GALNT13: variants seen among roughly 807,000 people sequenced by gnomAD.
The protein encoded by GALNT13 is polypeptide N-acetylgalactosaminyltransferase 13, also known as UDP-GalNAc:polypeptide N-acetylgalactosaminyltransferase 13.
In GALNT13, 28 loss-of-function variants were observed where a neutral mutation model predicts 64.2. That is an observed-to-expected ratio of 0.44 (90% CI 0.32 to 0.60). The LOEUF (loss-of-function observed/expected upper bound fraction) is 0.60, where lower values mean the gene tolerates loss of function less well. Ranked by LOEUF, GALNT13 falls within the 20% of genes least tolerant of loss-of-function variation. The probability of loss-of-function intolerance (pLI) is 0.05; values close to 1 mark genes in which losing one functional copy is unlikely to be tolerated. For missense variants in GALNT13, 577 were observed against 669.8 expected (o/e 0.86, Z 1.53); for synonymous variants, 214 against 224.6 (o/e 0.95, Z 0.42).
chr2:154,127,445 A>G (rs892742428), intron 3 of GALNT13, among the ~76,000 whole-genome samples: 11 of 152,122 alleles, frequency 7.2e-5, no homozygotes, highest in African/African-American at 2.7e-4. Flanking sequence ...AATCTTCAGA[A>G]GTAAATTAAA....
chr2:153,630,791 ATATATATATATATATATTTTTTTTT>A, the GALNT13 span, among the ~76,000 whole-genome samples: 1 of 13,096 alleles, frequency 7.6e-5, no homozygotes, highest in African/African-American at 2.7e-4. Flanking sequence ...ATATATATAT[ATATATATATATATATATTTTTTTTT>A]TTTTTTTTAT....
In GALNT13 at chr2:154,067,056, A is replaced by G. The variant is rs967954650; in HGVS notation, c.143-73281A>G. On this transcript the variant is annotated intron_variant, in intron 3 of 12. Transcript: ENST00000392825. ...CCTGTTTGTTTGCTTGTTTTTGTTA[A>G]TGTAATAAGTGTCAAGTTGTCATCA... is the stretch of plus-strand genomic sequence containing the variant. Among the ~76,000 whole-genome samples the G allele has an allele frequency of 4.6e-5, 7 of 152,036 alleles. No homozygotes were observed. In the South Asian group the frequency reaches 6.2e-4, roughly 13 times the overall value.
At chr2:153,246,790 C>T in the GALNT13 span, among the ~76,000 whole-genome samples, 2 of 152,170 alleles carry the variant, frequency 1.3e-5, no homozygotes, top group African/African-American at 4.8e-5. Flanking sequence ...CAAATTCATA[C>T]ATAACAATGT....
At chr2:153,613,415 C>T in the GALNT13 span, among the ~76,000 whole-genome samples, 10 of 152,136 alleles carry the variant, frequency 6.6e-5, no homozygotes, top group Non-Finnish European at 1.0e-4. Flanking sequence ...CTGGATATTA[C>T]ATTTGAATTT....
intron 9 of GALNT13, among the ~76,000 whole-genome samples, chr2:154,380,512 A>C (rs115220879): frequency 1.9e-3 from 289 of 152,162 alleles, no homozygotes; most frequent in Non-Finnish European, 3.1e-3. Flanking sequence ...TGATGACCTA[A>C]ACAACCTTAT....
At chr2:153,081,196 C>T in the GALNT13 span, among the ~76,000 whole-genome samples, 2 of 151,664 alleles carry the variant, frequency 1.3e-5, no homozygotes, top group African/African-American at 4.8e-5. Flanking sequence ...TGATACATAT[C>T]TCCTTTTCTA....
intron 9 of GALNT13, among the ~76,000 whole-genome samples, chr2:154,354,344 G>A (rs1181317779): frequency 6.8e-6 from 1 of 146,992 alleles, no homozygotes; most frequent in African/African-American, 2.5e-5. Context: ...TCCACAGGTT[G>A]CCTTTTAATT....
At chr2:153,944,773 A>G (rs959291563) in intron 3 of GALNT13, 134 bp downstream of exon 3, 3 of 645,322 alleles carry the variant, frequency 4.6e-6, no homozygotes, top group African/African-American at 1.8e-5. Flanking sequence ...CTATTAATGC[A>G]TGTTTAACCA....
intron 10 of GALNT13, among the ~76,000 whole-genome samples, chr2:154,398,892 T>C (rs1056370027): frequency 4.6e-5 from 7 of 152,164 alleles, no homozygotes; most frequent in African/African-American, 1.7e-4. Context: ...ATGAATTACG[T>C]AGAAATTAGA....
chr2:153,675,891 T>G, the GALNT13 span, among the ~76,000 whole-genome samples: 1 of 152,008 alleles, frequency 6.6e-6, no homozygotes, highest in Non-Finnish European at 1.5e-5. Flanking sequence ...TTTATAGTGC[T>G]AAACACCCAC....
At chr2:154,283,852 A>G (rs1692105357) in intron 8 of GALNT13, among the ~76,000 whole-genome samples, 1 of 152,204 alleles carries the variant, frequency 6.6e-6, no homozygotes. Context: ...AGTTCTATAA[A>G]TCAGTGAAAA....
At chr2:154,243,966 G>A (rs902859706) in intron 6 of GALNT13, among the ~76,000 whole-genome samples, 1 of 152,166 alleles carries the variant, frequency 6.6e-6, no homozygotes. Context: ...GAACCTTTTA[G>A]TCCATAGAGT....
intron 4 of GALNT13, among the ~76,000 whole-genome samples, chr2:154,141,374 A>G (rs1026630593): frequency 6.6e-6 from 1 of 152,088 alleles, no homozygotes; most frequent in African/African-American, 2.4e-5. Flanking sequence ...TTTAGTATTA[A>G]TACTTACCTT....
chr2:153,637,534 A>G, the GALNT13 span, among the ~76,000 whole-genome samples: 1 of 152,298 alleles, frequency 6.6e-6, no homozygotes, highest in East Asian at 1.9e-4. Context: ...ATTACTTCTT[A>G]TCAGGCTTGT....
chr2:153,283,464 T>C, the GALNT13 span, among the ~76,000 whole-genome samples: 4 of 152,230 alleles, frequency 2.6e-5, 1 homozygote, highest in South Asian at 8.3e-4. Context: ...ATATGCCTGG[T>C]CATGTGTTGA....
chr2:153,467,717 A>T, the GALNT13 span, among the ~76,000 whole-genome samples: 4,794 of 152,164 alleles, frequency 0.032, 100 homozygotes, highest in Middle Eastern at 0.071. Flanking sequence ...CTGCAGTCAA[A>T]CACTTATCTA....
At chr2:154,117,990 T>C (rs1681698421) in intron 3 of GALNT13, among the ~76,000 whole-genome samples, 1 of 152,222 alleles carries the variant, frequency 6.6e-6, no homozygotes, top group South Asian at 2.1e-4. Flanking sequence ...ATTCTGTTGT[T>C]ATCTGTTGGT....
At chr2:153,618,901 T>C in the GALNT13 span, among the ~76,000 whole-genome samples, 1 of 151,986 alleles carries the variant, frequency 6.6e-6, no homozygotes, top group Non-Finnish European at 1.5e-5. Context: ...ATTTTTAGTC[T>C]GTGGTGTGTC....
the GALNT13 span, among the ~76,000 whole-genome samples, chr2:153,704,105 A>C: frequency 6.6e-6 from 1 of 152,128 alleles, no homozygotes; most frequent in Non-Finnish European, 1.5e-5. Flanking sequence ...AGATTTGTTA[A>C]TATGGTAAGA....
Sources: gnomAD v4.1 joint callset for allele counts (sites outside exome capture counted in the v4.1 genomes callset) on GRCh38, gnomAD v4.1.1 for gene constraint, MANE v1.5 for transcripts, NCBI Gene and HGNC (gene_info 2026-07-23, HGNC 2026-07-21) for gene names.